SEMA6A: variants seen among roughly 807,000 people sequenced by gnomAD.
The protein encoded by SEMA6A is semaphorin 6A.
In SEMA6A, 25 loss-of-function variants were observed where a neutral mutation model predicts 96.8. That is an observed-to-expected ratio of 0.26 (90% CI 0.19 to 0.36). The LOEUF (loss-of-function observed/expected upper bound fraction) is 0.36, where lower values mean the gene tolerates loss of function less well. Among genes scored for constraint, SEMA6A ranks in the 10% least tolerant of loss-of-function variants. The pLI is 1.00. For synonymous variants in SEMA6A, 612 were observed against 518.0 expected, an observed-to-expected ratio of 1.18 and a Z score of -2.46; for missense variants, 1,363 against 1,323.1, an observed-to-expected ratio of 1.03 and a Z score of -0.47.
intron 6 of SEMA6A, 76 bp downstream of exon 6, chr5:116,495,337 G>A: frequency 9.5e-7 from 1 of 1,047,988 alleles, no homozygotes; most frequent in Non-Finnish European, 1.5e-6. Context: ...CCCCTCTTAG[G>A]TTGCTGCAGG....
rs1278656950 is a variant in SEMA6A at position 116,488,991 on chromosome 5, T to C, written c.552A>G (p.Ser184=). 2 of 1,571,314 alleles carry C rather than the reference T, an allele frequency of 1.3e-6. No individual in the cohort carries two copies. The highest frequency in any genetic ancestry group is 3.7e-5 in the Admixed American group (2 of 53,832). Residue 184 remains serine, a synonymous_variant, in exon 8 of 19, where the codon TCA becomes TCG. Coordinates refer to ENST00000343348, the MANE Select transcript of SEMA6A (RefSeq NM_020796.5). Reference sequence around the variant, plus strand: ...TGGCAAGGAAGTCAGTCACTGTGGCTGAGTATAGTTTTCCATCTTAGAAGA... The same window carrying C: ...TGGCAAGGAAGTCAGTCACTGTGGCCGAGTATAGTTTTCCATCTTAGAAGA... The part of the protein sequence containing the change: ...VALFADGKLY[S]ATVTDFLAID...
intron 3 of SEMA6A, among the ~76,000 whole-genome samples, chr5:116,501,210 A>T (rs1272213196): frequency 1.3e-5 from 2 of 152,224 alleles, no homozygotes; most frequent in Non-Finnish European, 2.9e-5. Flanking sequence ...AGGTAATCAA[A>T]TACAACATCT....
intron 1 of SEMA6A, among the ~76,000 whole-genome samples, chr5:116,520,294 G>A (rs1230529087): frequency 7.1e-6 from 1 of 140,026 alleles, no homozygotes; most frequent in Non-Finnish European, 1.5e-5. Flanking sequence ...CTACATTTCT[G>A]CAATGGATTT....
intron 18 of SEMA6A, among the ~76,000 whole-genome samples, chr5:116,466,247 G>A (rs548213156): frequency 4.6e-5 from 7 of 151,590 alleles, no homozygotes; most frequent in South Asian, 4.2e-4. Context: ...GCATGGTGGC[G>A]GGCACCTATA....
chr5:116,505,459 G>A (rs171564), intron 1 of SEMA6A, among the ~76,000 whole-genome samples: 91,274 of 127,640 alleles, frequency 0.72, 28,598 homozygotes, highest in East Asian at 0.81. Flanking sequence ...ACACGCACGC[G>A]CACACACACA....
chr5:116,557,336 C>G (rs1760646024), intron 1 of SEMA6A, among the ~76,000 whole-genome samples: 1 of 152,192 alleles, frequency 6.6e-6, no homozygotes, highest in Non-Finnish European at 1.5e-5. Context: ...CTCAGTCTCC[C>G]AAGTAGCTGG....
intron 1 of SEMA6A, among the ~76,000 whole-genome samples, chr5:116,567,052 A>G (rs563154414): frequency 6.6e-6 from 1 of 152,360 alleles, no homozygotes; most frequent in South Asian, 2.1e-4. Context: ...TGCAGAGTGT[A>G]CATTTTATTA....
chr5:116,541,478 C>G (rs566600228), intron 1 of SEMA6A, among the ~76,000 whole-genome samples: 1 of 152,278 alleles, frequency 6.6e-6, no homozygotes, highest in South Asian at 2.1e-4. Flanking sequence ...GTCACTCACA[C>G]AAGTTCATTC....
rs1027805172 is a variant in SEMA6A at position 116,447,389 on chromosome 5, C to T, written c.2317G>A (p.Gly773Ser). 1.9e-6 allele frequency: 3 copies of T among 1,613,872 alleles called. No homozygotes were observed. Among genetic ancestry groups the T allele is most frequent in the Non-Finnish European group, 1.7e-6 (2 of 1,179,902 alleles). Reference sequence around the variant, plus strand: ...TGGTTCCTCTCCCACTCGCGGCTGCCGCGGCTGGGCTTCCGCTTCTGCTGC... The same window carrying T: ...TGGTTCCTCTCCCACTCGCGGCTGCTGCGGCTGGGCTTCCGCTTCTGCTGC... ...TLQQKRKPSR[G>S]SREWERNQNL... Residue 773 changes from glycine (G) to serine (S), a missense_variant, in exon 19 of 19, where the codon GGC becomes AGC. Gly to Ser is a moderately conservative substitution (Grantham distance 56). Around this residue, in one of 2 missense-constraint regions of SEMA6A, gnomAD observed 883 missense variants for 763.6 expected, o/e 1.16. Coordinates refer to ENST00000343348, the MANE Select transcript of SEMA6A (RefSeq NM_020796.5).
chr5:116,455,507 A>G (rs1422657402), intron 18 of SEMA6A, among the ~76,000 whole-genome samples: 3 of 152,158 alleles, frequency 2.0e-5, no homozygotes, highest in Admixed American at 6.5e-5. Flanking sequence ...AAGCATTTCT[A>G]TTTTCCAACT....
chr5:116,495,109 A>C (rs1477000680), intron 6 of SEMA6A, among the ~76,000 whole-genome samples: 1 of 152,170 alleles, frequency 6.6e-6, no homozygotes, highest in Non-Finnish European at 1.5e-5. Context: ...GGGAGAAAAA[A>C]AATAGAGGAA....
chr5:116,551,508 G>T (rs1014425370), intron 1 of SEMA6A, among the ~76,000 whole-genome samples: 1 of 152,130 alleles, frequency 6.6e-6, no homozygotes, highest in African/African-American at 2.4e-5. Context: ...AATCCTCACA[G>T]CAACCCTATA....
intron 1 of SEMA6A, among the ~76,000 whole-genome samples, chr5:116,560,659 G>T (rs1013136376): frequency 6.6e-6 from 1 of 151,908 alleles, no homozygotes; most frequent in Non-Finnish European, 1.5e-5. Flanking sequence ...TCTACCCTGC[G>T]CCAGGGTCAA....
At chr5:116,486,204 A>G (rs1175464255) in intron 10 of SEMA6A, among the ~76,000 whole-genome samples, 2 of 152,194 alleles carry the variant, frequency 1.3e-5, no homozygotes, top group East Asian at 1.9e-4. Context: ...AAAGTCCTTT[A>G]TCTTGAATCC....
At chr5:116,496,349 G>C in intron 4 of SEMA6A, 36 bp from the exon 5 acceptor site, 2 of 1,591,668 alleles carry the variant, frequency 1.3e-6, no homozygotes, top group African/African-American at 1.3e-5. Flanking sequence ...TTAGAGCCCA[G>C]AGGTTGTTGC....
chr5:116,488,376 C>CACTT (rs1467645457), intron 8 of SEMA6A, among the ~76,000 whole-genome samples, 180 bp from the exon 9 acceptor site: 2 of 152,242 alleles, frequency 1.3e-5, no homozygotes, highest in East Asian at 3.8e-4. Context: ...AAGGCATTCA[C>CACTT]ACTTACACAT....
chr5:116,447,734 C>G lies in SEMA6A; in HGVS notation c.1972G>C (p.Ala658Pro). Residue 658 changes from alanine to proline, a missense_variant, in exon 19 of 19, where the codon GCT becomes CCT. Coordinates refer to ENST00000343348, the MANE Select transcript of SEMA6A (RefSeq NM_020796.5). ...VTLLAIAVIL[A>P]FVMGAVFSGI... ...GAGAAGACGGCCCCCATGACGAAAG[C>G]CAGGATGACTGCAATGGCCAAGAGG... 6.2e-7 allele frequency: 1 copy of G among 1,613,894 alleles called. No individual in the cohort carries two copies. Among genetic ancestry groups the G allele is most frequent in the Non-Finnish European group, 8.5e-7 (1 of 1,179,818 alleles).
intron 1 of SEMA6A, chr5:116,562,438 C>T (rs979544150): frequency 3.4e-5 from 11 of 323,056 alleles, no homozygotes; most frequent in Non-Finnish European, 3.0e-5. Context: ...ATGTAAATAG[C>T]ACATTAACAT....
Position 116,572,645 on chromosome 5 carries a change from C to T in SEMA6A, c.-39+1540G>A, listed in dbSNP as rs535886278. The stretch of plus-strand genomic sequence containing the variant: ...TCCACACGCACCTTCCCCACAGCCT[C>T]TGTCCACAGTGGCCGCACCTGCCTC... On this transcript the variant is annotated intron_variant, in intron 1 of 18. Coordinates refer to ENST00000343348, the MANE Select transcript of SEMA6A (RefSeq NM_020796.5). 1.3e-4 allele frequency among the ~76,000 whole-genome samples: 20 copies of T among 152,362 alleles called. No homozygotes were observed. In the South Asian group the frequency reaches 3.7e-3, roughly 28 times the overall value.
Sources: gnomAD v4.1 joint callset for allele counts (sites outside exome capture counted in the v4.1 genomes callset) on GRCh38, gnomAD v4.1.1 for gene constraint, gnomAD v4.1.1 regional missense constraint, MANE v1.5 for transcripts, NCBI Gene and HGNC (gene_info 2026-07-23, HGNC 2026-07-21) for gene names.